Variants in DHRSX observed in about 807,000 individuals in gnomAD.
DHRSX encodes polyprenol dehydrogenase.
Under a neutral mutation model 34.0 loss-of-function variants are expected in DHRSX, and 31 were observed. The observed-to-expected ratio is 0.91, with a 90% CI of 0.69 to 1.23. The LOEUF is 1.23. DHRSX is among the 50% of genes most tolerant of loss of function. DHRSX has a pLI of 0.00. For synonymous variants in DHRSX, 201 were observed against 183.8 expected, an observed-to-expected ratio of 1.09 and a Z score of -0.76; for missense variants, 414 against 428.1, an observed-to-expected ratio of 0.97 and a Z score of 0.29.
At chrX:2,395,294 G>A (rs1164117541) in intron 3 of DHRSX, among the ~76,000 whole-genome samples, 1 of 152,140 alleles carries the variant, frequency 6.6e-6, no homozygotes, top group Non-Finnish European at 1.5e-5. Flanking sequence ...GAAGCAGGAG[G>A]GTGTCACAGA....
chrX:2,243,392 G>A (rs180756257), intron 5 of DHRSX, 162 bp from the exon 6 acceptor site: 9 of 172,572 alleles, frequency 5.2e-5, no homozygotes, highest in South Asian at 1.9e-4. Flanking sequence ...TTTCCAACGC[G>A]TGTGGATTTT....
intron 1 of DHRSX, among the ~76,000 whole-genome samples, chrX:2,440,416 G>A (rs2044048161): frequency 6.6e-6 from 1 of 152,008 alleles, no homozygotes; most frequent in Non-Finnish European, 1.5e-5. Context: ...TGCCCAGGCT[G>A]GTTTCGAGCT....
chrX:2,426,633 CTTT>C (rs1434605133), intron 1 of DHRSX, among the ~76,000 whole-genome samples: 2 of 147,140 alleles, frequency 1.4e-5, no homozygotes, highest in African/African-American at 5.0e-5. Context: ...CTCCTTTCTT[CTTT>C]ACTTCCTTGT....
At chrX:2,323,617 T>C (rs1385002026) in intron 3 of DHRSX, among the ~76,000 whole-genome samples, 2 of 152,008 alleles carry the variant, frequency 1.3e-5, no homozygotes, top group African/African-American at 4.8e-5. Context: ...TTAAAATATA[T>C]ACATAGCTGG....
At chrX:2,411,805 C>T (rs1433813871) in intron 2 of DHRSX, among the ~76,000 whole-genome samples, 1 of 151,340 alleles carries the variant, frequency 6.6e-6, no homozygotes, top group Admixed American at 6.6e-5. Context: ...AAGATGGGAG[C>T]CTCCACCTTC....
intron 1 of DHRSX, among the ~76,000 whole-genome samples, chrX:2,480,280 T>C (rs7051863): frequency 0.21 from 31,513 of 149,160 alleles, 3,394 homozygotes; most frequent in African/African-American, 0.27. Context: ...ACAAATACTG[T>C]ATCATCTCGT....
At position 2,483,050 on chromosome X, in the gene DHRSX, G is replaced by A. The variant is rs191192850; in HGVS notation, c.109+17767C>T. Among the ~76,000 whole-genome samples the A allele has an allele frequency of 9.0e-5, 13 of 144,676 alleles. No individual in the cohort carries two copies. In the East Asian group the frequency reaches 2.5e-3, roughly 28 times the overall value. 94.9% of individuals were successfully genotyped at this position (144,676 alleles called of 152,430 possible). A position where few individuals can be genotyped will look rare whatever the true frequency, so the allele number is the denominator to read the frequency against. ...GCACAAAGAACCCAACTGAAATCCT[G>A]GCAGAACAAGCACAACTTCTGCTTA... On this transcript the variant is annotated intron_variant, in intron 1 of 6. Coordinates refer to ENST00000334651, the MANE Select transcript of DHRSX (RefSeq NM_145177.3).
intron 4 of DHRSX, among the ~76,000 whole-genome samples, chrX:2,283,050 CAGAG>C (rs936477827): frequency 6.7e-6 from 1 of 149,496 alleles, no homozygotes; most frequent in East Asian, 2.0e-4. Context: ...GAGAGAGAGA[CAGAG>C]AGTTACAGAA....
rs1477226190 is a variant in DHRSX at position 2,452,194 on chromosome X, C to T, written c.110-26890G>A. ...GTGGCTAAGGGACCGCCGCCATGTA[C>T]ACACTGAAGATGTTCCCAAAAAATG... On this transcript the variant is annotated intron_variant, in intron 1 of 6. Transcript: ENST00000334651. Among the ~76,000 whole-genome samples the T allele has an allele frequency of 3.3e-5, 5 of 151,600 alleles. No individual in the cohort carries two copies. In the South Asian group the frequency reaches 6.3e-4, roughly 19 times the overall value.
intron 3 of DHRSX, among the ~76,000 whole-genome samples, chrX:2,293,341 C>T (rs1222502922): frequency 6.6e-5 from 10 of 151,572 alleles, no homozygotes; most frequent in Non-Finnish European, 1.5e-4. Flanking sequence ...ATAATTCTGC[C>T]TCCAGGTCCA....
At chrX:2,275,428 GA>G (rs1228032613) in intron 4 of DHRSX, among the ~76,000 whole-genome samples, 1 of 151,390 alleles carries the variant, frequency 6.6e-6, no homozygotes, top group Non-Finnish European at 1.5e-5. Flanking sequence ...AGAATTTCTG[GA>G]ACTCAGGAGG....
chrX:2,448,807 T>C (rs1377357975), intron 1 of DHRSX, among the ~76,000 whole-genome samples: 1 of 152,144 alleles, frequency 6.6e-6, no homozygotes, highest in Non-Finnish European at 1.5e-5. Flanking sequence ...TTTAATGGTG[T>C]CTCTTCTTAA....
chrX:2,333,963 G>A lies in DHRSX; in HGVS notation c.287-42360C>T, dbSNP rs182381504. 7.2e-5 allele frequency among the ~76,000 whole-genome samples: 11 copies of A among 152,212 alleles called. No homozygotes were observed. In the East Asian group the frequency reaches 7.7e-4, roughly 11 times the overall value. On this transcript the variant is annotated intron_variant, in intron 3 of 6. Coordinates refer to ENST00000334651, the MANE Select transcript of DHRSX (RefSeq NM_145177.3). ...TTACAGCTGCACAGTATTCCACGAC[G>A]TACATGTACCACATTTTCTTTACCC...
rs775616646 is a variant in DHRSX at position 2,334,975 on chromosome X, C to G, written c.287-43372G>C. ...CGGGCGGATTGTCTGAGGTCAGGAG[C>G]TCAAGACAAGTCTGGCCAACATGGT... On this transcript the variant is annotated intron_variant, in intron 3 of 6. Coordinates refer to ENST00000334651, the MANE Select transcript of DHRSX (RefSeq NM_145177.3). 8.1e-4 allele frequency: 123 copies of G among 151,904 alleles called. 1 individual carries two copies. The highest frequency in any genetic ancestry group is 2.9e-3 in the African/African-American group (120 of 41,448). 9.4% of individuals were successfully genotyped at this position (151,904 alleles called of 1,614,324 possible).
At chrX:2,319,573 C>T (rs1729939014) in intron 3 of DHRSX, among the ~76,000 whole-genome samples, 2 of 150,660 alleles carry the variant, frequency 1.3e-5, no homozygotes, top group South Asian at 4.2e-4. Flanking sequence ...GAACGAAGAC[C>T]TTTATGATGA....
rs189330897 is a variant in DHRSX at position 2,446,202 on chromosome X, C to A, written c.110-20898G>T. On this transcript the variant is annotated intron_variant, in intron 1 of 6. Transcript: ENST00000334651. ...CCTAAGAATGTGGCTAAGGGACTGC[C>A]GCCATGTACACACTAAAAATGTTCC... Among the ~76,000 whole-genome samples the A allele has an allele frequency of 3.9e-5, 6 of 152,034 alleles. No individual in the cohort carries two copies. The East Asian group carries it at 9.7e-4, about 25-fold the overall frequency.
At chrX:2,223,636 G>A (rs2015570863) in intron 6 of DHRSX, among the ~76,000 whole-genome samples, 1 of 152,128 alleles carries the variant, frequency 6.6e-6, no homozygotes, top group Non-Finnish European at 1.5e-5. Flanking sequence ...GAAAGGGAGA[G>A]GGAAGGCAGG....
At chrX:2,385,544 CATTCAATT>C (rs1397058352) in intron 3 of DHRSX, among the ~76,000 whole-genome samples, 1 of 152,122 alleles carries the variant, frequency 6.6e-6, no homozygotes, top group Non-Finnish European at 1.5e-5. Context: ...ACTTGCCATC[CATTCAATT>C]TGTGATTCGG....
chrX:2,243,279 T>G, intron 5 of DHRSX, 49 bp from the exon 6 acceptor site: 1 of 1,537,198 alleles, frequency 6.5e-7, no homozygotes, highest in Non-Finnish European at 9.0e-7. Flanking sequence ...CGTTCACGCC[T>G]AAGTGCTTCA....
Sources: allele counts gnomAD v4.1 joint callset (sites outside exome capture counted in the v4.1 genomes callset), GRCh38; gene constraint gnomAD v4.1.1; transcripts MANE v1.5; gene names NCBI Gene and HGNC (gene_info 2026-07-23, HGNC 2026-07-21).